Variants in BRI3BP observed in about 807,000 individuals in gnomAD.
The protein encoded by BRI3BP is BRI3 binding protein, also known as BRI3-binding protein.
Under a neutral mutation model 15.8 loss-of-function variants are expected in BRI3BP, and 7 were observed. The ratio of observed to expected loss-of-function variants is 0.44; its 90% CI spans 0.25 to 0.83. The LOEUF (loss-of-function observed/expected upper bound fraction) is 0.83. BRI3BP is among the 40% of genes least tolerant of loss of function. The probability of loss-of-function intolerance (pLI) is 0.20; values close to 1 mark genes in which losing one functional copy is unlikely to be tolerated. For synonymous variants in BRI3BP, 192 were observed against 163.5 expected (o/e 1.17, Z -1.33); for missense variants, 320 against 339.3 (o/e 0.94, Z 0.45).
At chr12:125,011,199 C>G (rs1594532308) in intron 1 of BRI3BP, among the ~76,000 whole-genome samples, 1 of 151,802 alleles carries the variant, frequency 6.6e-6, no homozygotes, top group Admixed American at 6.6e-5. Context: ...TGGCAGCACT[C>G]TGCGTGATGC....
intron 1 of BRI3BP, among the ~76,000 whole-genome samples, chr12:125,010,120 G>T (rs987313807): frequency 4.0e-5 from 6 of 151,726 alleles, no homozygotes; most frequent in East Asian, 3.9e-4. Flanking sequence ...AAAAGAAGAA[G>T]AATATTGGAT....
In BRI3BP at chr12:125,009,283, CTTTTTTTTTTTT is replaced by C. The variant is rs1217778458; in HGVS notation, c.214-3238_214-3227del. Among the ~76,000 whole-genome samples, 11 of 66,580 alleles carry C rather than the reference CTTTTTTTTTTTT, an allele frequency of 1.7e-4. No homozygotes were observed. The South Asian group carries it at 5.8e-3, about 35-fold the overall frequency. 43.7% of individuals were successfully genotyped at this position (66,580 alleles called of 152,430 possible). On this transcript the variant is annotated intron_variant, in intron 1 of 2. Transcript: ENST00000341446. The stretch of plus-strand genomic sequence containing the variant: ...GGTGTGGGCCACCGCACCCAGCCAT[CTTTTTTTTTTTT>C]TTTTTTTTTTTTGAGATGCTGTCTC...
At chr12:125,016,852 T>TTTTTTTTTTTTTTG (rs1955249969) in intron 2 of BRI3BP, among the ~76,000 whole-genome samples, 1 of 71,290 alleles carries the variant, frequency 1.4e-5, no homozygotes, top group Non-Finnish European at 2.9e-5. Context: ...TTTTTTTTTT[T>TTTTTTTTTTTTTTG]GAGACAGAGT....
At chr12:125,040,589 C>A in the BRI3BP span, among the ~76,000 whole-genome samples, 2 of 151,786 alleles carry the variant, frequency 1.3e-5, no homozygotes, top group Non-Finnish European at 2.9e-5. Flanking sequence ...GTGATCCCCC[C>A]ACCTTGGCCT....
intron 1 of BRI3BP, among the ~76,000 whole-genome samples, chr12:125,000,552 A>G (rs903188680): frequency 3.3e-5 from 5 of 149,370 alleles, no homozygotes; most frequent in African/African-American, 1.2e-4. Flanking sequence ...TGACCTCATG[A>G]TTGCCTGCCT....
chr12:125,001,203 C>T (rs560237487), intron 1 of BRI3BP, among the ~76,000 whole-genome samples: 2,241 of 151,702 alleles, frequency 0.015, 38 homozygotes, highest in Admixed American at 0.022. Flanking sequence ...CAAGGGTGCC[C>T]GCCATCACGC....
At chr12:125,039,735 C>G in the BRI3BP span, among the ~76,000 whole-genome samples, 20,431 of 151,902 alleles carry the variant, frequency 0.13, 1,743 homozygotes, top group East Asian at 0.25. Context: ...TTCACTCATT[C>G]ATTTGCAAAG....
At position 125,026,597 on chromosome 12, in the gene BRI3BP, T is replaced by C; in HGVS notation, c.*1167T>C. 6.6e-6 allele frequency: 1 copy of C among 152,112 alleles called. No individual in the cohort carries two copies. The highest frequency in any genetic ancestry group is 2.1e-4 in the South Asian group (1 of 4,810). The allele number at this position is 152,112 out of a possible 1,614,324, so 9.4% of individuals were successfully genotyped here. A position where few individuals can be genotyped will look rare whatever the true frequency, so the allele number is the denominator to read the frequency against. ...TGTGGGGATCCTGGGCAAGGGAGTT[T>C]CAGAAGGTGTGGCTCAGGGGCTGGT... On this transcript the variant is annotated 3_prime_UTR_variant, in exon 3 of 3. Transcript: ENST00000341446.
chr12:125,018,956 T>G (rs1388613557), intron 2 of BRI3BP, among the ~76,000 whole-genome samples: 1 of 152,130 alleles, frequency 6.6e-6, no homozygotes, highest in African/African-American at 2.4e-5. Flanking sequence ...CCTCCCGGGT[T>G]CAAGCGATTC....
chr12:125,000,766 ACACACATG>A (rs1160350370), intron 1 of BRI3BP, among the ~76,000 whole-genome samples: 6 of 152,226 alleles, frequency 3.9e-5, no homozygotes, highest in Non-Finnish European at 7.3e-5. Flanking sequence ...ATAGACACAT[ACACACATG>A]CACACACATT....
At chr12:125,024,865 T>G in intron 2 of BRI3BP, 126 bp from the exon 3 acceptor site, 1 of 779,582 alleles carries the variant, frequency 1.3e-6, no homozygotes, top group East Asian at 2.7e-5. Flanking sequence ...GGAACTTCCT[T>G]GAGTTCCTTT....
At chr12:125,038,230 T>C in the BRI3BP span, among the ~76,000 whole-genome samples, 2 of 150,670 alleles carry the variant, frequency 1.3e-5, no homozygotes, top group Non-Finnish European at 2.9e-5. Flanking sequence ...TGAGCCAAGG[T>C]TGTGCCCCTG....
intron 2 of BRI3BP, among the ~76,000 whole-genome samples, chr12:125,015,785 C>T (rs1245560588): frequency 1.3e-5 from 2 of 152,208 alleles, no homozygotes; most frequent in Non-Finnish European, 2.9e-5. Context: ...GACAAAGAAT[C>T]AGAGGCGTCA....
chr12:125,004,218 A>T (rs1169944052), intron 1 of BRI3BP, among the ~76,000 whole-genome samples: 1 of 152,114 alleles, frequency 6.6e-6, no homozygotes, highest in Non-Finnish European at 1.5e-5. Flanking sequence ...TGTCACCCAG[A>T]CTGGAGTGCA....
In BRI3BP at chr12:125,028,785, C is replaced by A. The variant is rs1041255438; in HGVS notation, c.*3355C>A. 2 of 152,166 alleles carry A rather than the reference C, an allele frequency of 1.3e-5. No homozygotes were observed. The highest frequency in any genetic ancestry group is 4.8e-5 in the African/African-American group (2 of 41,448). 9.4% of individuals were successfully genotyped at this position (152,166 alleles called of 1,614,324 possible). A position where few individuals can be genotyped will look rare whatever the true frequency, so the allele number is the denominator to read the frequency against. Reference sequence around the variant, plus strand: ...TTTGTTCCTTCTCCATTCCATGGAACCTTGTAGGGTGTTGGGATTGGGCCT... The same window carrying A: ...TTTGTTCCTTCTCCATTCCATGGAAACTTGTAGGGTGTTGGGATTGGGCCT... On this transcript the variant is annotated 3_prime_UTR_variant, in exon 3 of 3. Coordinates refer to ENST00000341446, the MANE Select transcript of BRI3BP (RefSeq NM_080626.6).
At chr12:125,039,613 G>A in the BRI3BP span, among the ~76,000 whole-genome samples, 1 of 151,678 alleles carries the variant, frequency 6.6e-6, no homozygotes, top group East Asian at 1.9e-4. Flanking sequence ...TGCACACCCT[G>A]TGTGAGTTGT....
chr12:125,013,956 A>G (rs972394412), intron 2 of BRI3BP, among the ~76,000 whole-genome samples: 1 of 151,464 alleles, frequency 6.6e-6, no homozygotes, highest in Non-Finnish European at 1.5e-5. Flanking sequence ...CCAGCCTTAC[A>G]CTCCCCTTCC....
At chr12:125,006,674 G>A (rs1406679753) in intron 1 of BRI3BP, among the ~76,000 whole-genome samples, 2 of 152,182 alleles carry the variant, frequency 1.3e-5, no homozygotes, top group South Asian at 2.1e-4. Flanking sequence ...TGGGCGCCAC[G>A]CCGAGGTCTT....
intron 1 of BRI3BP, among the ~76,000 whole-genome samples, chr12:125,005,774 T>A (rs4765203): frequency 1.8e-4 from 24 of 132,020 alleles, no homozygotes; most frequent in East Asian, 1.3e-3. Context: ...CAAGACTGTT[T>A]AAAAAAAAAA....
Sources: gnomAD v4.1 joint callset for allele counts (sites outside exome capture counted in the v4.1 genomes callset) on GRCh38, gnomAD v4.1.1 for gene constraint, MANE v1.5 for transcripts, NCBI Gene and HGNC (gene_info 2026-07-23, HGNC 2026-07-21) for gene names.